The following RELB variants were observed in gnomAD, a reference collection of about 807,000 sequenced individuals.
RELB encodes the protein transcription factor RelB.
RELB carries 14 observed loss-of-function variants against 55.4 expected under a neutral mutation model. The observed-to-expected ratio is 0.25, with a 90% CI of 0.17 to 0.40. The LOEUF (loss-of-function observed/expected upper bound fraction) is 0.40. Among genes scored for constraint, RELB ranks in the 10% least tolerant of loss-of-function variants. The pLI is 1.00. For missense variants in RELB, 669 were observed against 830.7 expected, an observed-to-expected ratio of 0.81 and a Z score of 2.39; for synonymous variants, 409 against 371.3, an observed-to-expected ratio of 1.10 and a Z score of -1.17.
At chr19:45,026,904 T>A (rs1407659845) in intron 7 of RELB, among the ~76,000 whole-genome samples, 28 of 152,150 alleles carry the variant, frequency 1.8e-4, no homozygotes. Context: ...GGGATATTAA[T>A]TCAGTCAGGG....
intron 2 of RELB, among the ~76,000 whole-genome samples, chr19:45,006,089 A>G (rs1026985042): frequency 6.6e-6 from 1 of 152,252 alleles, no homozygotes; most frequent in Admixed American, 6.5e-5. Flanking sequence ...CACGTAAACA[A>G]TAAGTTAAAT....
At chr19:45,018,573 C>T (rs1971447696) in intron 4 of RELB, among the ~76,000 whole-genome samples, 1 of 151,502 alleles carries the variant, frequency 6.6e-6, no homozygotes. Flanking sequence ...CAGAGCAAGA[C>T]TCCATCTCAA....
intron 3 of RELB, among the ~76,000 whole-genome samples, chr19:45,011,666 C>T (rs1264090347): frequency 3.3e-5 from 5 of 151,506 alleles, no homozygotes; most frequent in Non-Finnish European, 7.4e-5. Context: ...AGGCTGGTCT[C>T]GAACTCCTGA....
At chr19:45,033,815 T>C (rs539265786) in intron 9 of RELB, among the ~76,000 whole-genome samples, 2 of 150,628 alleles carry the variant, frequency 1.3e-5, no homozygotes, top group Admixed American at 1.3e-4. Context: ...AGTGCTGGGA[T>C]TGCAGGAGTG....
At chr19:45,009,904 TG>T (rs1373307235) in intron 3 of RELB, 82 bp downstream of exon 3, 3 of 1,166,336 alleles carry the variant, frequency 2.6e-6, no homozygotes, top group East Asian at 2.4e-5. Context: ...CCTTGTTCAG[TG>T]GGGGTGGGGG....
intron 8 of RELB, among the ~76,000 whole-genome samples, chr19:45,032,096 C>T (rs113702986): frequency 6.6e-6 from 1 of 151,644 alleles, no homozygotes; most frequent in African/African-American, 2.4e-5. Flanking sequence ...ATTAGCTGGG[C>T]GTGGTTGCAC....
chr19:45,002,416 G>A (rs919360802), intron 1 of RELB, among the ~76,000 whole-genome samples: 1 of 152,094 alleles, frequency 6.6e-6, no homozygotes, highest in Admixed American at 6.5e-5. Context: ...GCAGTGGCAC[G>A]ATCTAGGCTC....
rs1337591882 is a variant in RELB at position 45,001,736 on chromosome 19, C to A, written c.106+51C>A. The A allele has an allele frequency of 5.6e-6, 7 of 1,260,978 alleles. No homozygotes were observed. In the East Asian group the frequency reaches 1.4e-4, roughly 25 times the overall value. 78.1% of individuals were successfully genotyped at this position (1,260,978 alleles called of 1,614,324 possible). ...GGGGTCTGGGGCGGGGCTGGAGATG[C>A]GGGGATTCTGGCGGTCCCGGAGTAG... On this transcript the variant is annotated intron_variant, in intron 1 of 11. Transcript: ENST00000221452.
intron 4 of RELB, among the ~76,000 whole-genome samples, chr19:45,012,723 T>A (rs1417312082): frequency 7.1e-6 from 1 of 141,178 alleles, no homozygotes; most frequent in Non-Finnish European, 1.5e-5. Flanking sequence ...GGTAACAGAG[T>A]GAGACCTTGT....
At chr19:45,015,693 C>A (rs1341026067) in intron 4 of RELB, among the ~76,000 whole-genome samples, 1 of 149,888 alleles carries the variant, frequency 6.7e-6, no homozygotes, top group Non-Finnish European at 1.5e-5. Context: ...CATGGTCACA[C>A]CACTGCACTC....
chr19:45,025,369 A>G lies in RELB; in HGVS notation c.703A>G (p.Ile235Val). Residue 235 changes from isoleucine (I) to valine (V), a missense_variant, in exon 6 of 12, where the codon ATT becomes GTT. This residue lies in a region of RELB where 323 missense variants were observed against 368.5 expected (regional missense o/e 0.88). Transcript: ENST00000221452. ...LGIQCVRKKE[I>V]EAAIERKIQL... ...CATCCAGTGTGTGAGGAAGAAGGAGATTGAGGCTGCCATTGAGCGGAAGAT... is the reference window on the plus strand; with the variant it reads ...CATCCAGTGTGTGAGGAAGAAGGAGGTTGAGGCTGCCATTGAGCGGAAGAT... 1 of 1,612,904 alleles carries G rather than the reference A, an allele frequency of 6.2e-7. No homozygotes were observed. The highest frequency in any genetic ancestry group is 1.1e-5 in the South Asian group (1 of 90,812).
chr19:45,005,590 G>T (rs938143269), intron 2 of RELB, among the ~76,000 whole-genome samples: 4 of 152,064 alleles, frequency 2.6e-5, no homozygotes, highest in Admixed American at 6.6e-5. Flanking sequence ...GTGGTCCTGC[G>T]CAGGAACAAG....
chr19:45,025,052 T>C (rs1458123982), intron 5 of RELB, among the ~76,000 whole-genome samples: 1 of 151,732 alleles, frequency 6.6e-6, no homozygotes, highest in Non-Finnish European at 1.5e-5. Context: ...AGAGACAGGG[T>C]TTCACCATGT....
At chr19:45,030,818 A>C (rs1057188522) in intron 8 of RELB, among the ~76,000 whole-genome samples, 3 of 152,190 alleles carry the variant, frequency 2.0e-5, no homozygotes, top group Admixed American at 1.3e-4. Flanking sequence ...AAGTAAAGTG[A>C]AGAAACTGGT....
rs137942281 is a variant in RELB, at chr19:45,014,114, C to T, written c.504+1838C>T. 1.7e-3 allele frequency among the ~76,000 whole-genome samples: 257 copies of T among 150,836 alleles called. 1 individual carries two copies. Among genetic ancestry groups the T allele is most frequent in the African/African-American group, 6.1e-3 (249 of 41,002 alleles). ...GGTAAGTTATCTATGGGATGATATA[C>T]TGAGATGTATCATCCCATGTTTAAC... On this transcript the variant is annotated intron_variant, in intron 4 of 11. Transcript: ENST00000221452.
chr19:45,021,897 AT>A, intron 4 of RELB, 155 bp from the exon 5 acceptor site: 1 of 729,362 alleles, frequency 1.4e-6, no homozygotes, highest in East Asian at 3.0e-5. Context: ...AAGCAAACAC[AT>A]TCCATCATCC....
intron 4 of RELB, among the ~76,000 whole-genome samples, chr19:45,019,600 G>T (rs956850047): frequency 6.6e-5 from 10 of 152,108 alleles, no homozygotes; most frequent in Non-Finnish European, 1.5e-4. Context: ...CTTAATCCAG[G>T]ATTTAACCAA....
At chr19:45,009,728 G>C in intron 2 of RELB, 86 bp from the exon 3 acceptor site, 1 of 1,485,480 alleles carries the variant, frequency 6.7e-7, no homozygotes, top group Non-Finnish European at 9.3e-7. Context: ...GGAGGGACAG[G>C]GTTGGGGAAT....
intron 2 of RELB, chr19:45,008,501 G>T (rs747505867): frequency 8.8e-6 from 4 of 456,284 alleles, no homozygotes; most frequent in Non-Finnish European, 1.3e-5. Context: ...CCCAGTTCAA[G>T]TGACTTGAGG....
Sources: gnomAD v4.1 joint callset for allele counts (sites outside exome capture counted in the v4.1 genomes callset) on GRCh38, gnomAD v4.1.1 for gene constraint, gnomAD v4.1.1 regional missense constraint, MANE v1.5 for transcripts, NCBI Gene and HGNC (gene_info 2026-07-23, HGNC 2026-07-21) for gene names.